PKIB: variants seen among roughly 807,000 people sequenced by gnomAD.
The protein encoded by PKIB is PKI-beta.
PKIB carries 2 observed loss-of-function variants against 4.5 expected under a neutral mutation model. That is an observed-to-expected ratio of 0.44 (90% CI 0.18 to 1.39). The LOEUF is 1.39. PKIB is among the 40% of genes most tolerant of loss of function. PKIB has a pLI of 0.27. For synonymous variants in PKIB, 38 were observed against 36.0 expected, an observed-to-expected ratio of 1.06 and a Z score of -0.20; for missense variants, 94 against 92.6, an observed-to-expected ratio of 1.02 and a Z score of -0.06.
intron 2 of PKIB, among the ~76,000 whole-genome samples, chr6:122,561,489 A>G (rs117355311): frequency 0.017 from 2,636 of 152,002 alleles, 37 homozygotes; most frequent in Non-Finnish European, 0.026. Flanking sequence ...TCTTGGAGAA[A>G]GTTCCATGTG....
intron 2 of PKIB, among the ~76,000 whole-genome samples, chr6:122,538,250 G>T (rs1253086767): frequency 6.6e-6 from 1 of 152,030 alleles, no homozygotes; most frequent in Non-Finnish European, 1.5e-5. Context: ...TGAAGTCCTT[G>T]CCCATGCCTA....
rs978116821 is a variant in PKIB, at chr6:122,668,501, A to C, written c.-75-6577A>C. Among the ~76,000 whole-genome samples the C allele has an allele frequency of 2.7e-4, 41 of 152,326 alleles. 2 individuals are homozygous for C. The highest frequency in any genetic ancestry group is 4.3e-4 in the Non-Finnish European group (29 of 68,030). ...GATGTCCCTTAAGCAGCTATACTAC[A>C]CATTCTGCAGACTAAAACTAGAGAG... On this transcript the variant is annotated intron_variant, in intron 2 of 4. Transcript: ENST00000368452.
At chr6:122,703,294 T>C (rs1043219790) in intron 3 of PKIB, among the ~76,000 whole-genome samples, 2 of 152,202 alleles carry the variant, frequency 1.3e-5, no homozygotes, top group African/African-American at 4.8e-5. Flanking sequence ...TTTTTATTTC[T>C]TTTAAACTTA....
chr6:122,546,610 A>G (rs1269106801), intron 2 of PKIB, among the ~76,000 whole-genome samples: 4 of 152,148 alleles, frequency 2.6e-5, no homozygotes, highest in Non-Finnish European at 5.9e-5. Flanking sequence ...TAAACTGTAT[A>G]TAAAAGCCAT....
At chr6:122,539,653 G>C (rs1361116299) in intron 2 of PKIB, among the ~76,000 whole-genome samples, 2 of 151,970 alleles carry the variant, frequency 1.3e-5, no homozygotes, top group Non-Finnish European at 2.9e-5. Context: ...TTTTTTGGCT[G>C]TGTCTCTGCC....
Position 122,561,994 on chromosome 6 carries a change from G to GTTTT in PKIB, c.-247-23921_-247-23918dup. Among the ~76,000 whole-genome samples the GTTTT allele has an allele frequency of 5.1e-4, 21 of 40,912 alleles. 1 individual carries two copies. Among genetic ancestry groups the GTTTT allele is most frequent in the East Asian group, 1.8e-3 (2 of 1,140 alleles). The allele number at this position is 40,912 out of a possible 152,430, so 26.8% of individuals were successfully genotyped here. On this transcript the variant is annotated intron_variant, in intron 2 of 6. Coordinates refer to the PKIB transcript ENST00000392491. ...GCATAGTTTTTTTTTGTTTGTTTTT[G>GTTTT]TTTTTTTTTGTTTTTTTTTTTTTTT...
At chr6:122,590,640 T>A (rs1357341334) in intron 3 of PKIB, among the ~76,000 whole-genome samples, 2 of 151,844 alleles carry the variant, frequency 1.3e-5, no homozygotes, top group African/African-American at 4.8e-5. Flanking sequence ...AGCTCTTTAG[T>A]TAACTTGGTG....
intron 3 of PKIB, among the ~76,000 whole-genome samples, chr6:122,595,733 G>A (rs1040520519): frequency 6.6e-6 from 1 of 152,172 alleles, no homozygotes; most frequent in Middle Eastern, 3.2e-3. Context: ...GTCAGTCTTG[G>A]TGAGTGAAAG....
chr6:122,479,408 G>A (rs969673859), intron 2 of PKIB: 2 of 152,006 alleles, frequency 1.3e-5, no homozygotes, highest in Non-Finnish European at 2.9e-5. Flanking sequence ...CTAATTGAGT[G>A]GCCTAGGAAA....
chr6:122,647,795 G>T (rs1776385614), intron 2 of PKIB, among the ~76,000 whole-genome samples: 1 of 152,216 alleles, frequency 6.6e-6, no homozygotes. Flanking sequence ...GTCAATGCTG[G>T]TATTTATGAT....
intron 4 of PKIB, among the ~76,000 whole-genome samples, chr6:122,724,594 C>T (rs1358132004): frequency 3.3e-5 from 5 of 152,118 alleles, no homozygotes; most frequent in East Asian, 3.8e-4. Context: ...GCACAGATCA[C>T]GGGGAGTTTT....
chr6:122,676,549 A>G (rs562256578), intron 3 of PKIB, among the ~76,000 whole-genome samples: 6 of 152,240 alleles, frequency 3.9e-5, no homozygotes, highest in African/African-American at 1.2e-4. Context: ...AACTATAAAT[A>G]TTTGTGTTTG....
At chr6:122,707,937 T>C (rs1779127492) in intron 3 of PKIB, among the ~76,000 whole-genome samples, 1 of 149,758 alleles carries the variant, frequency 6.7e-6, no homozygotes, top group South Asian at 2.2e-4. Context: ...AACAAGCATA[T>C]ATTAATGTCA....
chr6:122,655,622 ATGAAGACAC>A (rs1582781462), intron 2 of PKIB, among the ~76,000 whole-genome samples: 1 of 152,210 alleles, frequency 6.6e-6, no homozygotes, highest in East Asian at 1.9e-4. Context: ...GCCCAGACAG[ATGAAGACAC>A]TGCCTTCATG....
intron 3 of PKIB, among the ~76,000 whole-genome samples, chr6:122,589,256 A>G (rs1158417538): frequency 6.6e-6 from 1 of 152,302 alleles, no homozygotes; most frequent in East Asian, 1.9e-4. Context: ...TTTTTATTCC[A>G]TGAAATACTA....
At chr6:122,523,784 A>G (rs1317980731) in intron 2 of PKIB, among the ~76,000 whole-genome samples, 13 of 151,880 alleles carry the variant, frequency 8.6e-5, no homozygotes, top group Non-Finnish European at 1.9e-4. Flanking sequence ...CTCGGTATCA[A>G]GAAAAAAAAA....
chr6:122,541,721 T>C (rs1033840230), intron 2 of PKIB, among the ~76,000 whole-genome samples: 1 of 151,970 alleles, frequency 6.6e-6, no homozygotes, highest in Admixed American at 6.6e-5. Flanking sequence ...TGAATCTGAA[T>C]GTTGGCCTGC....
At chr6:122,515,092 T>G (rs972117584) in intron 2 of PKIB, among the ~76,000 whole-genome samples, 65 of 152,320 alleles carry the variant, frequency 4.3e-4, no homozygotes, top group Admixed American at 3.6e-3. Flanking sequence ...TCATATTTTT[T>G]GGGGGAAGAA....
intron 2 of PKIB, among the ~76,000 whole-genome samples, chr6:122,638,309 C>T (rs1169966469): frequency 6.6e-6 from 1 of 152,166 alleles, no homozygotes; most frequent in African/African-American, 2.4e-5. Flanking sequence ...AATCAACTAA[C>T]ACTAACAAAG....
Sources: gnomAD v4.1 joint callset for allele counts (sites outside exome capture counted in the v4.1 genomes callset) on GRCh38, gnomAD v4.1.1 for gene constraint, MANE v1.5 for transcripts, NCBI Gene and HGNC (gene_info 2026-07-23, HGNC 2026-07-21) for gene names.